ITGA9: variants seen among roughly 807,000 people sequenced by gnomAD.
The protein encoded by ITGA9 is integrin subunit alpha 9.
ITGA9 carries 56 observed loss-of-function variants against 127.8 expected under a neutral mutation model. That is an observed-to-expected ratio of 0.44 (90% CI 0.35 to 0.55). ITGA9 has a LOEUF of 0.55. Among genes scored for constraint, ITGA9 ranks in the 20% least tolerant of loss-of-function variants. ITGA9 has a pLI of 0.00. For synonymous variants in ITGA9, 508 were observed against 514.5 expected, an observed-to-expected ratio of 0.99 and a Z score of 0.17; for missense variants, 1,196 against 1,347.1, an observed-to-expected ratio of 0.89 and a Z score of 1.76.
At chr3:37,511,540 C>T (rs775299710) in intron 8 of ITGA9, among the ~76,000 whole-genome samples, 5 of 152,196 alleles carry the variant, frequency 3.3e-5, no homozygotes, top group South Asian at 2.1e-4. Flanking sequence ...AGCCAGTGAG[C>T]GCAGCCAGCA....
rs58081388 is a variant in ITGA9 at position 37,639,089 on chromosome 3, A to C, written c.1839+9753A>C. Among the ~76,000 whole-genome samples the C allele has an allele frequency of 6.0e-3, 913 of 152,324 alleles. 13 individuals are homozygous for C. The highest frequency in any genetic ancestry group is 0.021 in the African/African-American group (857 of 41,560). On this transcript the variant is annotated intron_variant, in intron 16 of 27. Transcript: ENST00000264741. Reference sequence around the variant, plus strand: ...GAGCTTGAATGCTACAAGCCTCCGTACATACAGCCTGATGGGCACACATTG... The same window carrying C: ...GAGCTTGAATGCTACAAGCCTCCGTCCATACAGCCTGATGGGCACACATTG...
At chr3:37,713,790 CG>C (rs1701104065) in intron 18 of ITGA9, among the ~76,000 whole-genome samples, 1 of 152,206 alleles carries the variant, frequency 6.6e-6, no homozygotes, top group African/African-American at 2.4e-5. Context: ...CCTAAAGGCC[CG>C]GGCTGCTCTG....
rs139677701 is a variant in ITGA9, at chr3:37,492,555, C to T, written c.545-1946C>T. On this transcript the variant is annotated intron_variant, in intron 4 of 27. Transcript: ENST00000264741. ...CACCAAGTACAGTTTGGGGAGGAGG[C>T]ACTGAAGTTCTCAAATCTCCCATTT... Among the ~76,000 whole-genome samples the T allele has an allele frequency of 7.2e-5, 11 of 152,338 alleles. No homozygotes were observed. In the East Asian group the frequency reaches 2.1e-3, roughly 29 times the overall value.
intron 1 of ITGA9, among the ~76,000 whole-genome samples, chr3:37,457,285 G>GGGGTTCTA (rs1339048010): frequency 2.0e-5 from 3 of 152,178 alleles, no homozygotes; most frequent in African/African-American, 7.2e-5. Context: ...AGAAAATTGT[G>GGGGTTCTA]GGGTTCTAGT....
intron 18 of ITGA9, among the ~76,000 whole-genome samples, chr3:37,730,025 G>T (rs1207877583): frequency 6.6e-6 from 1 of 152,116 alleles, no homozygotes; most frequent in African/African-American, 2.4e-5. Flanking sequence ...TTCAAGAACA[G>T]ACCTTTGACT....
chr3:37,458,691 C>T (rs1312690626), intron 1 of ITGA9, among the ~76,000 whole-genome samples: 1 of 152,198 alleles, frequency 6.6e-6, no homozygotes, highest in African/African-American at 2.4e-5. Context: ...GAGATGTGCT[C>T]CTTGGCCTGC....
intron 18 of ITGA9, among the ~76,000 whole-genome samples, chr3:37,706,806 G>T (rs1467020576): frequency 6.6e-6 from 1 of 152,192 alleles, no homozygotes; most frequent in African/African-American, 2.4e-5. Context: ...TCCCAGAACA[G>T]TTCAACCTGT....
chr3:37,676,047 C>G (rs1700679248), intron 17 of ITGA9, among the ~76,000 whole-genome samples: 1 of 152,112 alleles, frequency 6.6e-6, no homozygotes, highest in Non-Finnish European at 1.5e-5. Context: ...CGGCCCAAAA[C>G]TATTTACTTT....
At chr3:37,575,528 C>T (rs1336284497) in intron 15 of ITGA9, among the ~76,000 whole-genome samples, 2 of 152,060 alleles carry the variant, frequency 1.3e-5, no homozygotes, top group Non-Finnish European at 2.9e-5. Flanking sequence ...TCACCACAGC[C>T]CTGGGAAGTG....
At chr3:37,661,151 T>C (rs1233067859) in intron 17 of ITGA9, among the ~76,000 whole-genome samples, 1 of 152,204 alleles carries the variant, frequency 6.6e-6, no homozygotes, top group Non-Finnish European at 1.5e-5. Flanking sequence ...GACTATACTA[T>C]ATAAACAGCA....
intron 18 of ITGA9, among the ~76,000 whole-genome samples, chr3:37,686,101 A>G (rs920148310): frequency 4.6e-5 from 7 of 152,224 alleles, no homozygotes; most frequent in Non-Finnish European, 7.3e-5. Flanking sequence ...CCTTAGCTCT[A>G]TAACTTTTCA....
chr3:37,536,576 G>A (rs1171327366), intron 14 of ITGA9, among the ~76,000 whole-genome samples: 1 of 152,170 alleles, frequency 6.6e-6, no homozygotes, highest in East Asian at 1.9e-4. Flanking sequence ...TACCTGGCAG[G>A]GTTCAAGCCT....
intron 10 of ITGA9, among the ~76,000 whole-genome samples, chr3:37,518,093 C>CGGGT: frequency 6.9e-6 from 1 of 144,214 alleles, no homozygotes; most frequent in African/African-American, 2.5e-5. Context: ...AGAGTGTACG[C>CGGGT]GTGTGTGTGT....
intron 26 of ITGA9, among the ~76,000 whole-genome samples, chr3:37,798,076 G>A (rs1241566829): frequency 6.6e-6 from 1 of 152,074 alleles, no homozygotes; most frequent in African/African-American, 2.4e-5. Context: ...CTTCAGCCTC[G>A]ATATCCCATG....
rs977872080 is a variant in ITGA9 at position 37,820,410 on chromosome 3, G to A, written c.*1421G>A. On this transcript the variant is annotated 3_prime_UTR_variant, in exon 28 of 28. Transcript: ENST00000264741. Reference sequence around the variant, plus strand: ...CAACCACAGATGCATCCTCAGCCAGGGGAGACACAGGGAAATGATGCAAAA... The same window carrying A: ...CAACCACAGATGCATCCTCAGCCAGAGGAGACACAGGGAAATGATGCAAAA... 2.5e-4 allele frequency: 38 copies of A among 152,372 alleles called. No individual in the cohort carries two copies. The highest frequency in any genetic ancestry group is 7.5e-4 in the African/African-American group (31 of 41,422). 9.4% of individuals were successfully genotyped at this position (152,372 alleles called of 1,614,324 possible).
At chr3:37,808,418 T>G (rs1697325236) in intron 27 of ITGA9, 1 of 152,102 alleles carries the variant, frequency 6.6e-6, no homozygotes, top group South Asian at 2.1e-4. Flanking sequence ...GATGGTGGTT[T>G]AGGGGATACT....
At chr3:37,487,839 T>A (rs1027669868) in intron 4 of ITGA9, among the ~76,000 whole-genome samples, 7 of 152,138 alleles carry the variant, frequency 4.6e-5, no homozygotes, top group African/African-American at 1.4e-4. Context: ...AAAGTCATAT[T>A]TTTTTTCAAT....
At chr3:37,527,653 G>T (rs751262234) in intron 13 of ITGA9, among the ~76,000 whole-genome samples, 22 of 152,146 alleles carry the variant, frequency 1.4e-4, no homozygotes, top group Non-Finnish European at 2.5e-4. Context: ...GAATCTGGTT[G>T]CTCTAGTTGG....
Position 37,629,167 on chromosome 3 carries a change from G to A in ITGA9, c.1690-20G>A, listed in dbSNP as rs774998576. The A allele has an allele frequency of 2.0e-5, 33 of 1,611,932 alleles. No homozygotes were observed. The highest frequency in any genetic ancestry group is 3.3e-5 in the Admixed American group (2 of 59,976). The stretch of plus-strand genomic sequence containing the variant: ...CAGCCAGGATTAGTAGTTAATGCAC[G>A]TATTTGTTTATTGTTTCAGCGGAGG... On this transcript the variant is annotated intron_variant, in intron 15 of 27. Coordinates refer to ENST00000264741, the MANE Select transcript of ITGA9 (RefSeq NM_002207.3). This position sits in a 1 kb window ranked among gnomAD's most constrained non-coding sequence, Gnocchi z 4.5.
Sources: allele counts gnomAD v4.1 joint callset (sites outside exome capture counted in the v4.1 genomes callset), GRCh38; gene constraint gnomAD v4.1.1; non-coding constraint Gnocchi (gnomAD v3.1); transcripts MANE v1.5; gene names NCBI Gene and HGNC (gene_info 2026-07-23, HGNC 2026-07-21).